Variants in IQCB1 observed in about 807,000 individuals in gnomAD.
IQCB1 encodes the protein IQ calmodulin-binding motif-containing protein 1.
IQCB1 carries 56 observed loss-of-function variants against 84.4 expected under a neutral mutation model. The ratio of observed to expected loss-of-function variants is 0.66; its 90% CI spans 0.54 to 0.83. IQCB1 has a LOEUF of 0.83. Ranked by LOEUF, IQCB1 falls within the 40% of genes least tolerant of loss-of-function variation. IQCB1 has a pLI of 0.00. For missense variants in IQCB1, 629 were observed against 682.1 expected, an observed-to-expected ratio of 0.92 and a Z score of 0.87; for synonymous variants, 210 against 234.8, an observed-to-expected ratio of 0.89 and a Z score of 0.96.
intron 10 of IQCB1, among the ~76,000 whole-genome samples, chr3:121,790,729 C>A (rs563340656): frequency 1.3e-5 from 2 of 152,030 alleles, no homozygotes; most frequent in South Asian, 2.1e-4. Flanking sequence ...AAAGGAAAAT[C>A]AGGATATAGA....
Position 121,799,336 on chromosome 3 carries a change from G to T in IQCB1, c.626C>A (p.Ser209Ter). The change falls in exon 8 of 15, where the codon TCA (serine) becomes TAA (stop). Residue 209 changes from serine (S) to a stop codon, truncating the protein, a stop_gained. Coordinates refer to ENST00000310864, the MANE Select transcript of IQCB1 (RefSeq NM_001023570.4). LOFTEE classifies it high-confidence loss of function. ...CTTGAAAATAACTTCATCTAAAATT[G>T]AATACAGGGCTTTTCTTCCTATTCT... ...LLRIGRKALY[S>*]ILDEVIFKLF... 6.3e-7 allele frequency: 1 copy of T among 1,599,588 alleles called. No individual in the cohort carries two copies. The highest frequency in any genetic ancestry group is 1.1e-5 in the South Asian group (1 of 90,322).
chr3:121,803,991 T>TA (rs1949512322), intron 7 of IQCB1, among the ~76,000 whole-genome samples: 1 of 145,628 alleles, frequency 6.9e-6, no homozygotes, highest in African/African-American at 2.7e-5. Context: ...TTTGTTCTTC[T>TA]TTTTTTTTTA....
intron 6 of IQCB1, among the ~76,000 whole-genome samples, chr3:121,808,002 T>C (rs6770719): frequency 0.27 from 41,727 of 151,786 alleles, 6,246 homozygotes; most frequent in Admixed American, 0.43. Flanking sequence ...TAGAAACCAT[T>C]TCTTCATCTG....
chr3:121,781,270 A>G (rs1948479431), intron 13 of IQCB1, among the ~76,000 whole-genome samples: 1 of 152,168 alleles, frequency 6.6e-6, no homozygotes, highest in South Asian at 2.1e-4. Context: ...AGATATGGAC[A>G]TTTCTATTGG....
chr3:121,776,983 A>C (rs1257232103), intron 13 of IQCB1, among the ~76,000 whole-genome samples: 1 of 152,180 alleles, frequency 6.6e-6, no homozygotes, highest in Non-Finnish European at 1.5e-5. Flanking sequence ...TATGAAGAGA[A>C]GTTTTAAATT....
chr3:121,777,967 G>C (rs1948298758), intron 13 of IQCB1, among the ~76,000 whole-genome samples: 1 of 150,842 alleles, frequency 6.6e-6, no homozygotes, highest in South Asian at 2.1e-4. Flanking sequence ...GAGTGCAGTA[G>C]CATGAACATG....
chr3:121,790,101 C>A lies in IQCB1; in HGVS notation c.1101G>T (p.Gln367His), dbSNP rs1184359104. 2 of 1,613,574 alleles carry A rather than the reference C, an allele frequency of 1.2e-6. No homozygotes were observed. The highest frequency in any genetic ancestry group is 2.2e-5 in the East Asian group (1 of 44,852). The change falls in exon 11 of 15, where the codon CAG (glutamine) becomes CAT (histidine). Residue 367 changes from glutamine to histidine, a missense_variant. Coordinates refer to ENST00000310864, the MANE Select transcript of IQCB1 (RefSeq NM_001023570.4). ...QRAMRLSREL[Q>H]LSMLEIVHPG... The stretch of plus-strand genomic sequence containing the variant: ...GATGAACTATTTCGAGCATACTCAG[C>A]TGCAATTCTCGGGAAAGTCTCATGG...
intron 7 of IQCB1, 35 bp from the exon 8 acceptor site, chr3:121,799,409 C>A: frequency 8.0e-7 from 1 of 1,253,728 alleles, no homozygotes. Flanking sequence ...AGTACCATTA[C>A]TAATTGATGT....
intron 5 of IQCB1, among the ~76,000 whole-genome samples, chr3:121,821,497 C>T (rs1054916303): frequency 6.6e-6 from 1 of 152,176 alleles, no homozygotes; most frequent in African/African-American, 2.4e-5. Context: ...CCCTACTCTT[C>T]CCCTTTATAG....
Position 121,826,132 on chromosome 3 carries a change from G to A in IQCB1, c.312C>T (p.Tyr104=), listed in dbSNP as rs1319048651. 1.2e-6 allele frequency: 2 copies of A among 1,612,998 alleles called. No homozygotes were observed. The highest frequency in any genetic ancestry group is 4.5e-5 in the East Asian group (2 of 44,864). The change falls in exon 5 of 15, where the codon TAC becomes TAT. Residue 104 remains tyrosine (Y), a synonymous_variant. Coordinates refer to ENST00000310864, the MANE Select transcript of IQCB1 (RefSeq NM_001023570.4). ...CTGCAGCTGATGGAAGTAATTCATTGTAAAATTCCTCTGCATCTTCTCCTG... is the reference window on the plus strand; with the variant it reads ...CTGCAGCTGATGGAAGTAATTCATTATAAAATTCCTCTGCATCTTCTCCTG... ...LEPGEDAEEF[Y]NELLPSAAEN...
At chr3:121,801,497 T>G (rs1427159044) in intron 7 of IQCB1, among the ~76,000 whole-genome samples, 1 of 152,060 alleles carries the variant, frequency 6.6e-6, no homozygotes, top group Non-Finnish European at 1.5e-5. Flanking sequence ...TGGTATCATA[T>G]CTGACTGCAC....
At chr3:121,783,316 T>C (rs953030995) in intron 12 of IQCB1, among the ~76,000 whole-genome samples, 1 of 152,180 alleles carries the variant, frequency 6.6e-6, no homozygotes, top group Non-Finnish European at 1.5e-5. Flanking sequence ...TTTTCAGATA[T>C]AGGTATCATC....
chr3:121,787,350 G>A (rs6771158), intron 12 of IQCB1, among the ~76,000 whole-genome samples: 1 of 151,954 alleles, frequency 6.6e-6, no homozygotes, highest in Non-Finnish European at 1.5e-5. Flanking sequence ...AGAGAACAAC[G>A]GGATGTTAGG....
At chr3:121,802,570 G>C (rs1157221384) in intron 7 of IQCB1, among the ~76,000 whole-genome samples, 3 of 152,188 alleles carry the variant, frequency 2.0e-5, no homozygotes, top group East Asian at 1.9e-4. Flanking sequence ...CAAAGAGCCA[G>C]TTTATGGTTT....
intron 8 of IQCB1, among the ~76,000 whole-genome samples, chr3:121,797,858 A>T (rs1949263215): frequency 6.6e-6 from 1 of 152,010 alleles, no homozygotes; most frequent in East Asian, 1.9e-4. Flanking sequence ...CACTGAAATG[A>T]TGTATTATAA....
At chr3:121,820,713 AATATATT>A (rs1219961715) in intron 5 of IQCB1, among the ~76,000 whole-genome samples, 1 of 133,390 alleles carries the variant, frequency 7.5e-6, no homozygotes, top group African/African-American at 2.9e-5. Flanking sequence ...ACTCATCATT[AATATATT>A]ATATATTATC....
intron 9 of IQCB1, 55 bp downstream of exon 9, chr3:121,797,063 A>G: frequency 2.2e-6 from 2 of 890,920 alleles, no homozygotes; most frequent in Non-Finnish European, 3.8e-6. Context: ...AGGAAAACTA[A>G]GGTTTAATAT....
intron 8 of IQCB1, among the ~76,000 whole-genome samples, chr3:121,797,926 A>C (rs558075377): frequency 6.6e-6 from 1 of 152,106 alleles, no homozygotes; most frequent in Non-Finnish European, 1.5e-5. Context: ...ATAATTGGGG[A>C]AACCACTATA....
chr3:121,801,810 CT>C (rs5852277), intron 7 of IQCB1, among the ~76,000 whole-genome samples: 37 of 89,914 alleles, frequency 4.1e-4, no homozygotes, highest in Middle Eastern at 8.2e-3. Context: ...GCTGCAAGGC[CT>C]TTTTTTTTTT....
Sources: allele counts gnomAD v4.1 joint callset (sites outside exome capture counted in the v4.1 genomes callset), GRCh38; gene constraint gnomAD v4.1.1; transcripts MANE v1.5; gene names NCBI Gene and HGNC (gene_info 2026-07-23, HGNC 2026-07-21).